The following DISC1 variants were observed in gnomAD, a reference collection of about 807,000 sequenced individuals.
The protein encoded by DISC1 is DISC1 scaffold protein.
A neutral mutation model predicts 84.5 loss-of-function variants in DISC1; 57 were observed. The observed-to-expected ratio is 0.67, with a 90% CI of 0.55 to 0.84. The LOEUF is 0.84. DISC1 is among the 40% of genes least tolerant of loss of function. The pLI, the probability that DISC1 is intolerant of heterozygous loss-of-function variation, is 0.00. For missense variants in DISC1, 1,000 were observed against 1,057.8 expected (o/e 0.95, Z 0.76); for synonymous variants, 411 against 415.2 (o/e 0.99, Z 0.12).
intron 9 of DISC1, among the ~76,000 whole-genome samples, chr1:231,833,997 G>T (rs936925420): frequency 3.3e-5 from 5 of 152,132 alleles, no homozygotes; most frequent in African/African-American, 1.2e-4. Context: ...GCTGTAAAGT[G>T]TCTCAGGGTT....
chr1:231,774,371 T>C (rs1301627323), intron 6 of DISC1, among the ~76,000 whole-genome samples: 1 of 152,148 alleles, frequency 6.6e-6, no homozygotes, highest in African/African-American at 2.4e-5. Flanking sequence ...TAACATGACC[T>C]TTTTCTCCTG....
At chr1:231,854,874 G>A in intron 9 of DISC1, 1 of 429,432 alleles carries the variant, frequency 2.3e-6, no homozygotes, top group Non-Finnish European at 4.5e-6. Flanking sequence ...CCGCCACCAT[G>A]CCTGGCTAAT....
chr1:231,690,016 A>G (rs1241246582), intron 1 of DISC1, among the ~76,000 whole-genome samples: 3 of 152,222 alleles, frequency 2.0e-5, no homozygotes, highest in East Asian at 3.8e-4. Context: ...GAGGGCTGAC[A>G]GGATTCTTGC....
intron 9 of DISC1, among the ~76,000 whole-genome samples, chr1:231,919,958 C>G (rs930481964): frequency 6.6e-6 from 1 of 152,188 alleles, no homozygotes; most frequent in Non-Finnish European, 1.5e-5. Context: ...TTGCCTCTCT[C>G]GGGCAGAGCT....
intron 10 of DISC1, among the ~76,000 whole-genome samples, chr1:231,978,270 A>C (rs1663098422): frequency 1.3e-5 from 2 of 151,762 alleles, no homozygotes; most frequent in Non-Finnish European, 2.9e-5. Context: ...GGTGTTGAGC[A>C]CTCCATCCTT....
Position 232,009,533 on chromosome 1 carries a change from C to T in DISC1, c.2307+484C>T. ...AAACATTCAAATATATGTATTTATCCCATTAATTGTTTTTACCAAAACCAG... is the reference window on the plus strand; with the variant it reads ...AAACATTCAAATATATGTATTTATCTCATTAATTGTTTTTACCAAAACCAG... On this transcript the variant is annotated intron_variant, in intron 11 of 12. Transcript: ENST00000439617. The surrounding 1 kb of genome is among the most constrained non-coding windows in gnomAD (Gnocchi z 4.6). 1.2e-6 allele frequency: 1 copy of T among 832,182 alleles called. No individual in the cohort carries two copies. The highest frequency in any genetic ancestry group is 1.4e-6 in the Non-Finnish European group (1 of 691,606). The allele number at this position is 832,182 out of a possible 1,614,324, so 51.5% of individuals were successfully genotyped here.
intron 5 of DISC1, among the ~76,000 whole-genome samples, chr1:231,770,593 C>T (rs554335874): frequency 6.6e-6 from 1 of 152,162 alleles, no homozygotes; most frequent in Non-Finnish European, 1.5e-5. Flanking sequence ...ATTCTTGGCT[C>T]ACCCCCCATA....
rs553180312 is a variant in DISC1, at chr1:232,036,743, T to A, written c.2477T>A (p.Ile826Asn). 2 of 1,607,834 alleles carry A rather than the reference T, an allele frequency of 1.2e-6. No homozygotes were observed. Among genetic ancestry groups the A allele is most frequent in the East Asian group, 4.5e-5 (2 of 44,686 alleles). Residue 826 changes from isoleucine to asparagine, a missense_variant, in exon 13 of 13, where the codon ATC becomes AAC. Around this residue, in one of 3 missense-constraint regions of DISC1, gnomAD observed 397 missense variants for 377.5 expected, o/e 1.05. Coordinates refer to ENST00000439617, the MANE Select transcript of DISC1 (RefSeq NM_018662.3). The stretch of plus-strand genomic sequence containing the variant: ...GTGAAGGAAACTCTGCAGGCCATGA[T>A]CCTGCAGCTCCAGCCAGCAAAGGAG... ...QMVKETLQAM[I>N]LQLQPAKEAG...
rs1223559109 is a variant in DISC1, at chr1:231,826,517, T to G, written c.1981+8000T>G. Among the ~76,000 whole-genome samples, 1 of 152,178 alleles carries G rather than the reference T, an allele frequency of 6.6e-6. No individual in the cohort carries two copies. The highest frequency in any genetic ancestry group is 1.5e-5 in the Non-Finnish European group (1 of 68,034). ...GATGATCCACTATCTGCCATGTTGC[T>G]ATAGCAGATGGATAATTTAACTCAG... On this transcript the variant is annotated intron_variant, in intron 9 of 12. Coordinates refer to ENST00000439617, the MANE Select transcript of DISC1 (RefSeq NM_018662.3). The surrounding 1 kb of genome is among the most constrained non-coding windows in gnomAD (Gnocchi z 4.2).
At chr1:232,034,623 C>G (rs754294356) in intron 12 of DISC1, among the ~76,000 whole-genome samples, 2 of 152,204 alleles carry the variant, frequency 1.3e-5, no homozygotes, top group African/African-American at 4.8e-5. Context: ...CAAGTTCTCT[C>G]TCTAAAAACC....
At chr1:231,794,165 T>A (rs1316020596) in intron 6 of DISC1, among the ~76,000 whole-genome samples, 2 of 152,166 alleles carry the variant, frequency 1.3e-5, no homozygotes, top group African/African-American at 4.8e-5. Flanking sequence ...CCAGAAATAG[T>A]CATTTCCCTG....
chr1:231,671,275 TA>T (rs2062591512), intron 1 of DISC1, among the ~76,000 whole-genome samples: 1 of 152,168 alleles, frequency 6.6e-6, no homozygotes, highest in African/African-American at 2.4e-5. Flanking sequence ...GCCTTGTGTA[TA>T]TATCATCTTC....
chr1:231,945,474 G>A (rs1656986281), intron 9 of DISC1, among the ~76,000 whole-genome samples: 1 of 152,124 alleles, frequency 6.6e-6, no homozygotes, highest in African/African-American at 2.4e-5. Flanking sequence ...TGTGTAGAGG[G>A]AAATTTATAG....
intron 9 of DISC1, among the ~76,000 whole-genome samples, chr1:231,886,777 TTCTTTCTTTCTTTCTTTCTTTC>T (rs2086751926): frequency 1.1e-5 from 1 of 93,894 alleles, no homozygotes; most frequent in Admixed American, 9.8e-5. Flanking sequence ...CTTTCTTTCT[TTCTTTCTTTCTTTCTTTCTTTC>T]TTTCTTTCTT....
At chr1:231,862,828 T>C (rs1430306015) in intron 9 of DISC1, among the ~76,000 whole-genome samples, 1 of 152,214 alleles carries the variant, frequency 6.6e-6, no homozygotes, top group Admixed American at 6.5e-5. Flanking sequence ...CAGCAGCTGC[T>C]GTTTGCTGGA....
At chr1:231,766,371 A>G (rs1474714354) in intron 4 of DISC1, among the ~76,000 whole-genome samples, 1 of 151,836 alleles carries the variant, frequency 6.6e-6, no homozygotes, top group Non-Finnish European at 1.5e-5. Flanking sequence ...ATTTTCTAGA[A>G]CTCTTGGCCT....
intron 9 of DISC1, among the ~76,000 whole-genome samples, chr1:231,848,943 GA>G (rs2083664064): frequency 6.6e-6 from 1 of 152,012 alleles, no homozygotes; most frequent in African/African-American, 2.4e-5. Flanking sequence ...GTGAAACAAC[GA>G]ATAAATGAGT....
At chr1:231,783,737 G>T (rs1377740716) in intron 6 of DISC1, among the ~76,000 whole-genome samples, 1 of 152,314 alleles carries the variant, frequency 6.6e-6, no homozygotes, top group South Asian at 2.1e-4. Flanking sequence ...ACGCGTGTGT[G>T]TGCTACCTTA....
chr1:231,886,086 T>C (rs927991884), intron 9 of DISC1, among the ~76,000 whole-genome samples: 1 of 152,134 alleles, frequency 6.6e-6, no homozygotes, highest in Non-Finnish European at 1.5e-5. Context: ...AGTTGTCCTT[T>C]TCTAATGAAC....
Sources: allele counts gnomAD v4.1 joint callset (sites outside exome capture counted in the v4.1 genomes callset), GRCh38; gene constraint gnomAD v4.1.1; regional missense constraint gnomAD v4.1.1; non-coding constraint Gnocchi (gnomAD v3.1); transcripts MANE v1.5; gene names NCBI Gene and HGNC (gene_info 2026-07-23, HGNC 2026-07-21).